Variants in BAK1 observed in about 807,000 individuals in gnomAD.
The protein encoded by BAK1 is BCL2 antagonist/killer 1, also known as bcl-2 homologous antagonist/killer.
BAK1 carries 19 observed loss-of-function variants against 24.7 expected under a neutral mutation model. That is an observed-to-expected ratio of 0.77 (90% CI 0.54 to 1.13). BAK1 has a LOEUF of 1.13. BAK1 is among the 50% of genes most tolerant of loss of function. BAK1 has a pLI of 0.00. For missense variants in BAK1, 194 were observed against 279.4 expected (o/e 0.69, Z 2.18); for synonymous variants, 86 against 107.3 (o/e 0.80, Z 1.23).
intron 2 of BAK1, among the ~76,000 whole-genome samples, chr6:33,576,688 A>G (rs1201531781): frequency 6.6e-6 from 1 of 150,562 alleles, no homozygotes. Context: ...AAAAAAAAAG[A>G]AAAGAAATAT....
At chr6:33,574,399 CA>C in intron 4 of BAK1, 185 bp from the exon 5 acceptor site, 1 of 1,472,920 alleles carries the variant, frequency 6.8e-7, no homozygotes, top group Non-Finnish European at 9.2e-7. Flanking sequence ...GGAGAAAGCT[CA>C]GGGGCAGATG....
At chr6:33,574,437 G>A (rs573591995) in intron 4 of BAK1, 44 of 1,500,706 alleles carry the variant, frequency 2.9e-5, no homozygotes, top group East Asian at 2.8e-4. Context: ...TGGGGTGTAC[G>A]CTCAGGTGCA....
rs564902560 is a variant in BAK1, at chr6:33,578,668, C to T, written c.-31-1033G>A. ...TCTTCTGTCCCCGGCCCCAATTTTC[C>T]TCTTTGCCTGGTCCTGACCGCAGCC... On this transcript the variant is annotated intron_variant, in intron 1 of 5. Transcript: ENST00000374467. The surrounding 1 kb of genome is among the most constrained non-coding windows in gnomAD (Gnocchi z 4.8). 1.4e-4 allele frequency among the ~76,000 whole-genome samples: 22 copies of T among 152,320 alleles called. No homozygotes were observed. In the South Asian group the frequency reaches 4.1e-3, roughly 29 times the overall value.
At chr6:33,574,269 C>T in intron 4 of BAK1, 55 bp from the exon 5 acceptor site, 1 of 1,576,702 alleles carries the variant, frequency 6.3e-7, no homozygotes, top group Non-Finnish European at 8.7e-7. Context: ...AGCCCTTCAG[C>T]CTGCCTGGCC....
intron 4 of BAK1, chr6:33,574,640 G>A (rs1762813691): frequency 1.1e-6 from 1 of 879,502 alleles, no homozygotes; most frequent in Non-Finnish European, 1.6e-6. Context: ...TTTCAGCTCT[G>A]AGCACTAATT....
chr6:33,573,843 A>G lies in BAK1; in HGVS notation c.596T>C (p.Leu199Pro). ...LNVLVVLGVV[L>P]LGQFVVRRFF... is the part of the protein sequence containing the mutation. ...TCTTCGTACCACAAACTGGCCCAAC[A>G]GAACCACACCCAGAACCACCAGCAC... Residue 199 changes from leucine to proline, a missense_variant, in exon 6 of 6, where the codon CTG becomes CCG. Physicochemically the swap from Leu to Pro is moderately conservative, Grantham distance 98. Coordinates refer to ENST00000374467, the MANE Select transcript of BAK1 (RefSeq NM_001188.4). The G allele has an allele frequency of 6.2e-7, 1 of 1,614,206 alleles. No individual in the cohort carries two copies.
chr6:33,574,068 C>T lies in BAK1; in HGVS notation c.497G>A (p.Cys166Tyr), dbSNP rs867545761. 6.2e-7 allele frequency: 1 copy of T among 1,614,078 alleles called. No individual in the cohort carries two copies. Among genetic ancestry groups the T allele is most frequent in the African/African-American group, 1.3e-5 (1 of 74,946 alleles). Residue 166 changes from cysteine (C) to tyrosine (Y), a missense_variant, in exon 5 of 6, where the codon TGC (cysteine) becomes TAC (tyrosine). Coordinates refer to ENST00000374467, the MANE Select transcript of BAK1 (RefSeq NM_001188.4). The part of the protein sequence containing the change: ...RFVVDFMLHH[C>Y]IARWIAQRGG... ...CCTCTGTGCAATCCACCGGGCAATGCAGTGATGCAGCATGAAGTCGACCAC... is the reference window on the plus strand; with the variant it reads ...CCTCTGTGCAATCCACCGGGCAATGTAGTGATGCAGCATGAAGTCGACCAC...
chr6:33,578,184 C>T lies in BAK1; in HGVS notation c.-31-549G>A, dbSNP rs929797697. Reference sequence around the variant, plus strand: ...ATGAAGGCTGTCCTCAGAGGCCCTACTTCCCTCTGGCTGGCCAGAACACAC... The same window carrying T: ...ATGAAGGCTGTCCTCAGAGGCCCTATTTCCCTCTGGCTGGCCAGAACACAC... On this transcript the variant is annotated intron_variant, in intron 1 of 5. Transcript: ENST00000374467. The surrounding 1 kb of genome is among the most constrained non-coding windows in gnomAD (Gnocchi z 4.8). Among the ~76,000 whole-genome samples, 1 of 152,214 alleles carries T rather than the reference C, an allele frequency of 6.6e-6. No individual in the cohort carries two copies. Among genetic ancestry groups the T allele is most frequent in the Non-Finnish European group, 1.5e-5 (1 of 68,040 alleles).
Position 33,575,390 on chromosome 6 carries a change from G to A in BAK1, c.258C>T (p.Asn86=). The change falls in exon 4 of 6, where the codon AAC becomes AAT. Residue 86 remains asparagine, a synonymous_variant. Transcript: ENST00000374467. The surrounding 1 kb of genome is among the most constrained non-coding windows in gnomAD (Gnocchi z 6.3). ...RQLAIIGDDI[N]RRYDSEFQTM... is the part of the protein sequence containing the mutation. Reference sequence around the variant, plus strand: ...TCTGGAACTCTGAGTCATAGCGTCGGTTGATGTCGTCCCCGATGATGGCGA... The same window carrying A: ...TCTGGAACTCTGAGTCATAGCGTCGATTGATGTCGTCCCCGATGATGGCGA... 5.0e-6 allele frequency: 8 copies of A among 1,614,196 alleles called. No individual in the cohort carries two copies. Among genetic ancestry groups the A allele is most frequent in the Non-Finnish European group, 6.8e-6 (8 of 1,180,040 alleles).
chr6:33,574,334 G>T (rs779866170), intron 4 of BAK1, 120 bp from the exon 5 acceptor site: 8 of 1,444,082 alleles, frequency 5.5e-6, no homozygotes, highest in Non-Finnish European at 7.6e-6. Context: ...AATTAAGGCC[G>T]CAGAGGCTGC....
chr6:33,575,557 G>C lies in BAK1; in HGVS notation c.207-116C>G. On this transcript the variant is annotated intron_variant, in intron 3 of 5. Coordinates refer to ENST00000374467, the MANE Select transcript of BAK1 (RefSeq NM_001188.4). This position sits in a 1 kb window ranked among gnomAD's most constrained non-coding sequence, Gnocchi z 6.3. ...CCATGGCCCTGTGCATCCCTTCTTGGAGGTCCCTGACAGTGTTCTAAGACA... is the reference window on the plus strand; with the variant it reads ...CCATGGCCCTGTGCATCCCTTCTTGCAGGTCCCTGACAGTGTTCTAAGACA... 7.0e-7 allele frequency: 1 copy of C among 1,434,236 alleles called. No individual in the cohort carries two copies. Among genetic ancestry groups the C allele is most frequent in the Non-Finnish European group, 9.6e-7 (1 of 1,040,970 alleles). 88.8% of individuals were successfully genotyped at this position (1,434,236 alleles called of 1,614,324 possible).
chr6:33,573,676 G>T lies in BAK1; in HGVS notation c.*127C>A. On this transcript the variant is annotated 3_prime_UTR_variant, in exon 6 of 6. Coordinates refer to ENST00000374467, the MANE Select transcript of BAK1 (RefSeq NM_001188.4). ...CCCACGCAGGGGCCCTCCGAAGCTG[G>T]AGTGCACACTTGCTAAAGCTTCTGT... The T allele has an allele frequency of 1.3e-6, 1 of 774,980 alleles. No homozygotes were observed. Among genetic ancestry groups the T allele is most frequent in the Non-Finnish European group, 2.1e-6 (1 of 470,446 alleles). The allele number at this position is 774,980 out of a possible 1,614,324, so 48.0% of individuals were successfully genotyped here.
chr6:33,578,184 C>G lies in BAK1; in HGVS notation c.-31-549G>C, dbSNP rs929797697. On this transcript the variant is annotated intron_variant, in intron 1 of 5. Coordinates refer to ENST00000374467, the MANE Select transcript of BAK1 (RefSeq NM_001188.4). The surrounding 1 kb of genome is among the most constrained non-coding windows in gnomAD (Gnocchi z 4.8). The stretch of plus-strand genomic sequence containing the variant: ...ATGAAGGCTGTCCTCAGAGGCCCTA[C>G]TTCCCTCTGGCTGGCCAGAACACAC... 1.3e-5 allele frequency among the ~76,000 whole-genome samples: 2 copies of G among 152,214 alleles called. No individual in the cohort carries two copies. The highest frequency in any genetic ancestry group is 2.9e-5 in the Non-Finnish European group (2 of 68,040).
chr6:33,577,733 C>G lies in BAK1; in HGVS notation c.-31-98G>C. The G allele has an allele frequency of 1.2e-6, 1 of 808,938 alleles. No individual in the cohort carries two copies. Among genetic ancestry groups the G allele is most frequent in the Non-Finnish European group, 1.9e-6 (1 of 534,292 alleles). 50.1% of individuals were successfully genotyped at this position (808,938 alleles called of 1,614,324 possible). On this transcript the variant is annotated intron_variant, in intron 1 of 5. Coordinates refer to ENST00000374467, the MANE Select transcript of BAK1 (RefSeq NM_001188.4). The surrounding 1 kb of genome is among the most constrained non-coding windows in gnomAD (Gnocchi z 4.6). Reference sequence around the variant, plus strand: ...GCCATGTCCACATAGGAGAGAGGATCCCCCATTCCCAGAAAGGCCCTTAGT... The same window carrying G: ...GCCATGTCCACATAGGAGAGAGGATGCCCCATTCCCAGAAAGGCCCTTAGT...
rs1162045089 is a variant in BAK1, at chr6:33,575,283, A to AG, written c.350+14dup. On this transcript the variant is annotated intron_variant, in intron 4 of 5. Transcript: ENST00000374467. This position sits in a 1 kb window ranked among gnomAD's most constrained non-coding sequence, Gnocchi z 6.3. ...AGAGGAGTGACTGGAGCTGGCAGGG[A>AG]GGTGGCTGGGGTACCTGGTGGCAAT... 6.2e-7 allele frequency: 1 copy of AG among 1,614,110 alleles called. No homozygotes were observed. Among genetic ancestry groups the AG allele is most frequent in the East Asian group, 2.2e-5 (1 of 44,880 alleles).
chr6:33,574,698 C>T (rs1462715566), intron 4 of BAK1, among the ~76,000 whole-genome samples: 1 of 152,228 alleles, frequency 6.6e-6, no homozygotes, highest in East Asian at 1.9e-4. Context: ...TTCAAATCTA[C>T]TCCGACACTG....
chr6:33,575,517 T>C lies in BAK1; in HGVS notation c.207-76A>G. The C allele has an allele frequency of 6.3e-7, 1 of 1,587,114 alleles. No individual in the cohort carries two copies. Among genetic ancestry groups the C allele is most frequent in the Non-Finnish European group, 8.6e-7 (1 of 1,160,142 alleles). On this transcript the variant is annotated intron_variant, in intron 3 of 5. Transcript: ENST00000374467. This position sits in a 1 kb window ranked among gnomAD's most constrained non-coding sequence, Gnocchi z 6.3. ...CAGGCCCTGGCTCATGGCAGAGGGG[T>C]TCTGCCTGAGCTGTCCATGGCCCTG...
chr6:33,579,340 C>T (rs1762898320), intron 1 of BAK1, among the ~76,000 whole-genome samples: 1 of 152,000 alleles, frequency 6.6e-6, no homozygotes, highest in Non-Finnish European at 1.5e-5. Flanking sequence ...AGCGAGACTC[C>T]ATTTCAAAAA....
rs1297134723 is a variant in BAK1 at position 33,580,124 on chromosome 6, G to C, written c.-131C>G. The C allele has an allele frequency of 6.6e-6, 1 of 152,352 alleles. No individual in the cohort carries two copies. Among genetic ancestry groups the C allele is most frequent in the Non-Finnish European group, 1.5e-5 (1 of 68,086 alleles). The allele number at this position is 152,352 out of a possible 1,614,324, so 9.4% of individuals were successfully genotyped here. A position where few individuals can be genotyped will look rare whatever the true frequency, so the allele number is the denominator to read the frequency against. ...CTCCCAGGGGCTGAGTGGGAGCCCAGTTTCCAGGAATGGGCGTCAGTGCAT... is the reference window on the plus strand; with the variant it reads ...CTCCCAGGGGCTGAGTGGGAGCCCACTTTCCAGGAATGGGCGTCAGTGCAT... On this transcript the variant is annotated 5_prime_UTR_variant, in exon 1 of 6. Transcript: ENST00000374467.
Sources: allele counts gnomAD v4.1 joint callset (sites outside exome capture counted in the v4.1 genomes callset), GRCh38; gene constraint gnomAD v4.1.1; non-coding constraint Gnocchi (gnomAD v3.1); transcripts MANE v1.5; gene names NCBI Gene and HGNC (gene_info 2026-07-23, HGNC 2026-07-21).